Variants in RPS6KC1 observed in about 807,000 individuals in gnomAD.
The protein encoded by RPS6KC1 is inactive ribosomal protein S6 kinase delta-1.
In RPS6KC1, 54 loss-of-function variants were observed where a neutral mutation model predicts 103.8. That is an observed-to-expected ratio of 0.52 (90% CI 0.42 to 0.65). RPS6KC1 has a LOEUF of 0.65. Ranked by LOEUF, RPS6KC1 falls within the 30% of genes least tolerant of loss-of-function variation. The probability of loss-of-function intolerance (pLI) is 0.00; values close to 1 mark genes in which losing one functional copy is unlikely to be tolerated. For missense variants in RPS6KC1, 1,151 were observed against 1,253.8 expected, an observed-to-expected ratio of 0.92 and a Z score of 1.24; for synonymous variants, 439 against 438.7, an observed-to-expected ratio of 1.00 and a Z score of -0.01.
the RPS6KC1 span, among the ~76,000 whole-genome samples, chr1:213,461,508 C>T: frequency 1.3e-5 from 2 of 152,218 alleles, no homozygotes; most frequent in African/African-American, 2.4e-5. Flanking sequence ...CTGGAGGCAT[C>T]ATGCTACCTG....
chr1:213,684,738 T>C, the RPS6KC1 span, among the ~76,000 whole-genome samples: 577 of 152,352 alleles, frequency 3.8e-3, 2 homozygotes, highest in Middle Eastern at 0.01. Context: ...TGAAGTGCAA[T>C]TGCAGGTCCT....
chr1:213,383,891 T>C, the RPS6KC1 span, among the ~76,000 whole-genome samples: 2 of 152,156 alleles, frequency 1.3e-5, no homozygotes, highest in Non-Finnish European at 2.9e-5. Flanking sequence ...CCTCTAGAAC[T>C]ATGAGAAATA....
At chr1:213,647,494 C>T in the RPS6KC1 span, among the ~76,000 whole-genome samples, 14 of 152,234 alleles carry the variant, frequency 9.2e-5, no homozygotes, top group Middle Eastern at 3.4e-3. Flanking sequence ...AGTGTTGAGA[C>T]CTGGGTACCG....
chr1:213,099,805 G>C (rs60194877), intron 3 of RPS6KC1, among the ~76,000 whole-genome samples: 5,185 of 152,188 alleles, frequency 0.034, 120 homozygotes, highest in Middle Eastern at 0.054. Context: ...CATCCATACT[G>C]TTGTGTTCAT....
the RPS6KC1 span, among the ~76,000 whole-genome samples, chr1:213,626,124 A>G: frequency 2.6e-5 from 4 of 152,290 alleles, 1 homozygote; most frequent in African/African-American, 7.2e-5. Context: ...TCGCCATTCT[A>G]ACTGGTGTGA....
chr1:213,547,559 C>T, the RPS6KC1 span, among the ~76,000 whole-genome samples: 1 of 152,316 alleles, frequency 6.6e-6, no homozygotes, highest in Admixed American at 6.5e-5. Flanking sequence ...TTCCAAATCT[C>T]ACACTGAAAT....
the RPS6KC1 span, among the ~76,000 whole-genome samples, chr1:213,747,112 C>A: frequency 4.6e-5 from 7 of 152,086 alleles, no homozygotes; most frequent in Admixed American, 1.3e-4. Context: ...CTCCTGGGAG[C>A]AGGACCCTGG....
chr1:213,317,806 A>G, the RPS6KC1 span, among the ~76,000 whole-genome samples: 5,689 of 152,336 alleles, frequency 0.037, 138 homozygotes, highest in Middle Eastern at 0.065. Context: ...ATGTGGTAGC[A>G]TCTACCGGGG....
At chr1:213,121,153 C>T (rs913887077) in intron 5 of RPS6KC1, among the ~76,000 whole-genome samples, 1 of 152,132 alleles carries the variant, frequency 6.6e-6, no homozygotes, top group South Asian at 2.1e-4. Flanking sequence ...AGGCAGCTCT[C>T]GAACTCTTAG....
the RPS6KC1 span, among the ~76,000 whole-genome samples, chr1:213,414,142 G>T: frequency 1.3e-4 from 20 of 152,204 alleles, no homozygotes; most frequent in African/African-American, 4.8e-4. Flanking sequence ...GAGCAGAGTT[G>T]GAAAGCTTCT....
chr1:213,523,266 T>G, the RPS6KC1 span, among the ~76,000 whole-genome samples: 3 of 152,346 alleles, frequency 2.0e-5, no homozygotes, highest in African/African-American at 7.2e-5. Flanking sequence ...TTTGTGGTGC[T>G]GTAAAGCAAT....
chr1:213,250,826 T>C (rs1327244557), intron 12 of RPS6KC1, among the ~76,000 whole-genome samples: 3 of 152,188 alleles, frequency 2.0e-5, no homozygotes, highest in African/African-American at 4.8e-5. Context: ...ATACAAAAAC[T>C]TAAAAAAAAT....
At chr1:213,376,768 G>A in the RPS6KC1 span, among the ~76,000 whole-genome samples, 2 of 152,232 alleles carry the variant, frequency 1.3e-5, no homozygotes, top group African/African-American at 4.8e-5. Context: ...GATCTAGGTA[G>A]AGTGAACCAT....
intron 1 of RPS6KC1, among the ~76,000 whole-genome samples, chr1:213,063,029 G>A (rs2077988274): frequency 2.0e-5 from 3 of 152,214 alleles, no homozygotes; most frequent in Admixed American, 1.3e-4. Context: ...TTCAGAATAG[G>A]CAAGGGGGCT....
chr1:213,563,506 G>T, the RPS6KC1 span, among the ~76,000 whole-genome samples: 1 of 103,858 alleles, frequency 9.6e-6, no homozygotes, highest in Admixed American at 1.1e-4. Context: ...ACTTATTGTG[G>T]TTAAACTTTT....
intron 8 of RPS6KC1, among the ~76,000 whole-genome samples, chr1:213,210,952 A>G (rs1327231810): frequency 1.3e-5 from 2 of 152,208 alleles, no homozygotes; most frequent in Non-Finnish European, 2.9e-5. Context: ...AACGAGAACT[A>G]TGTGGATGTA....
the RPS6KC1 span, among the ~76,000 whole-genome samples, chr1:213,525,273 A>G: frequency 6.6e-6 from 1 of 152,172 alleles, no homozygotes; most frequent in African/African-American, 2.4e-5. Flanking sequence ...TTACTGAAAT[A>G]TCAGCTGTGG....
At chr1:213,674,441 T>C in the RPS6KC1 span, among the ~76,000 whole-genome samples, 1 of 152,240 alleles carries the variant, frequency 6.6e-6, no homozygotes, top group African/African-American at 2.4e-5. Flanking sequence ...GGATAATGAC[T>C]CCATCCATGT....
At chr1:213,399,294 G>A in the RPS6KC1 span, among the ~76,000 whole-genome samples, 1 of 152,190 alleles carries the variant, frequency 6.6e-6, no homozygotes, top group Non-Finnish European at 1.5e-5. Context: ...GGTCCACACA[G>A]GCAGGATGCA....
Sources: allele counts gnomAD v4.1 joint callset (sites outside exome capture counted in the v4.1 genomes callset), GRCh38; gene constraint gnomAD v4.1.1; transcripts MANE v1.5; gene names NCBI Gene and HGNC (gene_info 2026-07-23, HGNC 2026-07-21).